SNX13: variants seen among roughly 807,000 people sequenced by gnomAD.
The protein encoded by SNX13 is sorting nexin 13.
A neutral mutation model predicts 133.6 loss-of-function variants in SNX13; 45 were observed. The observed-to-expected ratio is 0.34, with a 90% CI of 0.27 to 0.43. The LOEUF is 0.43. Among genes scored for constraint, SNX13 ranks in the 20% least tolerant of loss-of-function variants. SNX13 has a pLI of 1.00. For synonymous variants in SNX13, 414 were observed against 373.9 expected (o/e 1.11, Z -1.24); for missense variants, 1,032 against 1,145.1 (o/e 0.90, Z 1.43).
intron 1 of SNX13, among the ~76,000 whole-genome samples, chr7:17,913,201 G>A (rs1799187360): frequency 6.6e-6 from 1 of 152,204 alleles, no homozygotes; most frequent in South Asian, 2.1e-4. Context: ...AAACACAAGT[G>A]TGGTGCCAGC....
At chr7:17,837,244 G>T (rs1257294116) in intron 13 of SNX13, among the ~76,000 whole-genome samples, 2 of 151,892 alleles carry the variant, frequency 1.3e-5, no homozygotes, top group African/African-American at 2.4e-5. Context: ...CAAGCACCTG[G>T]TTCAGCCACC....
intron 18 of SNX13, among the ~76,000 whole-genome samples, chr7:17,820,144 G>A (rs745522515): frequency 6.6e-6 from 1 of 151,950 alleles, no homozygotes; most frequent in Non-Finnish European, 1.5e-5. Context: ...ATTTAAATCA[G>A]GGAATGATTA....
chr7:17,890,148 C>T, intron 5 of SNX13: 1 of 383,144 alleles, frequency 2.6e-6, no homozygotes, highest in Non-Finnish European at 4.6e-6. Flanking sequence ...GAAAGCAGGG[C>T]TTAATCAAAA....
At chr7:17,876,574 C>CTAA (rs1794753951) in intron 5 of SNX13, among the ~76,000 whole-genome samples, 1 of 120,810 alleles carries the variant, frequency 8.3e-6, no homozygotes, top group African/African-American at 2.9e-5. Flanking sequence ...GCTATCTCAT[C>CTAA]AAAAAAAAAA....
At chr7:17,802,932 CT>C (rs1784794252) in intron 21 of SNX13, among the ~76,000 whole-genome samples, 1 of 152,018 alleles carries the variant, frequency 6.6e-6, no homozygotes, top group Admixed American at 6.6e-5. Context: ...ACGCAGAGGT[CT>C]ATACCCAGTA....
chr7:17,892,983 G>T (rs932889414), intron 3 of SNX13, among the ~76,000 whole-genome samples: 2 of 152,000 alleles, frequency 1.3e-5, no homozygotes, highest in African/African-American at 4.8e-5. Flanking sequence ...TGATTCCTCT[G>T]CAATTTATTT....
chr7:17,801,022 A>ATATATATATATACG (rs1562652057), intron 22 of SNX13, among the ~76,000 whole-genome samples: 8 of 14,108 alleles, frequency 5.7e-4, no homozygotes, highest in African/African-American at 1.3e-3. Flanking sequence ...ATATATATAT[A>ATATATATATATACG]TATATATATA....
chr7:17,807,987 A>G (rs1310256769), intron 20 of SNX13, among the ~76,000 whole-genome samples: 3 of 152,202 alleles, frequency 2.0e-5, no homozygotes, highest in Non-Finnish European at 4.4e-5. Context: ...AGATAAATTC[A>G]CGAAGAAGAG....
intron 16 of SNX13, among the ~76,000 whole-genome samples, chr7:17,827,421 A>T (rs531952860): frequency 6.6e-6 from 1 of 152,164 alleles, no homozygotes; most frequent in South Asian, 2.1e-4. Flanking sequence ...TATTATTACT[A>T]AAAGGGTCAT....
chr7:17,812,540 G>A (rs1786171805), intron 20 of SNX13, among the ~76,000 whole-genome samples: 1 of 152,172 alleles, frequency 6.6e-6, no homozygotes, highest in South Asian at 2.1e-4. Flanking sequence ...CTTTTACACT[G>A]TTGGTGGGAG....
chr7:17,847,945 A>G (rs948227726), intron 11 of SNX13, among the ~76,000 whole-genome samples: 2 of 152,134 alleles, frequency 1.3e-5, no homozygotes, highest in African/African-American at 4.8e-5. Flanking sequence ...AGGGGGCACA[A>G]AATTCTAGGC....
chr7:17,817,801 T>C (rs1370804621), intron 18 of SNX13, among the ~76,000 whole-genome samples: 1 of 152,198 alleles, frequency 6.6e-6, no homozygotes. Flanking sequence ...AGATATTTCC[T>C]GCAATATGAC....
In SNX13 at chr7:17,821,014, TTGGTTAATATTAAA is replaced by T. The variant is rs1200844220; in HGVS notation, c.1845+481_1845+494del. ...ATTTAATAAGAATTGAAAATATTAC[TTGGTTAATATTAAA>T]TTTATTTTATGTTGTGATTCAAAAT... is the stretch of plus-strand genomic sequence containing the variant. On this transcript the variant is annotated intron_variant, in intron 18 of 25. Coordinates refer to ENST00000428135, the MANE Select transcript of SNX13 (RefSeq NM_015132.5). 4.6e-5 allele frequency among the ~76,000 whole-genome samples: 7 copies of T among 152,264 alleles called. No homozygotes were observed. The East Asian group carries it at 1.3e-3, about 29-fold the overall frequency.
intron 1 of SNX13, among the ~76,000 whole-genome samples, chr7:17,932,543 T>C (rs1361506820): frequency 6.6e-6 from 1 of 152,224 alleles, no homozygotes; most frequent in Admixed American, 6.5e-5. Flanking sequence ...ATTCAACAGA[T>C]ATTTAGTGAG....
intron 3 of SNX13, 112 bp downstream of exon 3, chr7:17,893,220 T>A: frequency 1.7e-6 from 1 of 599,916 alleles, no homozygotes; most frequent in Non-Finnish European, 2.9e-6. Flanking sequence ...AAATTCCCAG[T>A]GAGCATTAGT....
At chr7:17,851,072 T>G in intron 9 of SNX13, 108 bp from the exon 10 acceptor site, 1 of 1,143,584 alleles carries the variant, frequency 8.7e-7, no homozygotes, top group Non-Finnish European at 1.2e-6. Context: ...ACATACTCAG[T>G]GCTTACAACA....
rs529762215 is a variant in SNX13 at position 17,869,883 on chromosome 7, C to G, written c.754-1393G>C. Among the ~76,000 whole-genome samples, 27 of 151,742 alleles carry G rather than the reference C, an allele frequency of 1.8e-4. 1 individual carries two copies. In the East Asian group the frequency reaches 5.2e-3, roughly 29 times the overall value. The stretch of plus-strand genomic sequence containing the variant: ...AAATTTACTCACACACACACAGACA[C>G]ACACACACACACACACACACTTTTT... On this transcript the variant is annotated intron_variant, in intron 8 of 25. Transcript: ENST00000428135.
chr7:17,804,461 T>C (rs770672063), intron 20 of SNX13, among the ~76,000 whole-genome samples: 2 of 151,968 alleles, frequency 1.3e-5, no homozygotes, highest in East Asian at 1.9e-4. Flanking sequence ...AAAAGAGACG[T>C]TGCAAATCAG....
At chr7:17,820,145 G>A (rs1315914375) in intron 18 of SNX13, among the ~76,000 whole-genome samples, 2 of 151,610 alleles carry the variant, frequency 1.3e-5, no homozygotes, top group South Asian at 2.1e-4. Flanking sequence ...TTTAAATCAG[G>A]GAATGATTAT....
Sources: allele counts gnomAD v4.1 joint callset (sites outside exome capture counted in the v4.1 genomes callset), GRCh38; gene constraint gnomAD v4.1.1; transcripts MANE v1.5; gene names NCBI Gene and HGNC (gene_info 2026-07-23, HGNC 2026-07-21).